PLXDC2: variants seen among roughly 807,000 people sequenced by gnomAD.
PLXDC2 encodes plexin domain containing 2.
In PLXDC2, 40 loss-of-function variants were observed where a neutral mutation model predicts 68.9. That is an observed-to-expected ratio of 0.58 (90% CI 0.45 to 0.76). PLXDC2 has a LOEUF of 0.76. Ranked by LOEUF, PLXDC2 falls within the 30% of genes least tolerant of loss-of-function variation. PLXDC2 has a pLI of 0.00. For missense variants in PLXDC2, 644 were observed against 661.9 expected (o/e 0.97, Z 0.30); for synonymous variants, 243 against 234.2 (o/e 1.04, Z -0.34).
At chr10:19,862,904 A>G (rs1367110055) in intron 1 of PLXDC2, among the ~76,000 whole-genome samples, 4 of 152,136 alleles carry the variant, frequency 2.6e-5, no homozygotes, top group African/African-American at 9.7e-5. Context: ...CTGCAACTCT[A>G]TGTAAATCTG....
intron 1 of PLXDC2, among the ~76,000 whole-genome samples, chr10:19,838,126 A>G (rs1203329755): frequency 1.3e-5 from 2 of 151,944 alleles, no homozygotes; most frequent in African/African-American, 4.8e-5. Context: ...CAGACTCCCA[A>G]TATTTTTAAG....
At chr10:19,963,126 C>T (rs1834189831) in intron 1 of PLXDC2, among the ~76,000 whole-genome samples, 1 of 151,892 alleles carries the variant, frequency 6.6e-6, no homozygotes, top group Non-Finnish European at 1.5e-5. Flanking sequence ...TCACTTTATA[C>T]ATCAGGTTTA....
chr10:20,091,323 C>G (rs1833273243), intron 4 of PLXDC2, among the ~76,000 whole-genome samples: 1 of 152,206 alleles, frequency 6.6e-6, no homozygotes, highest in Non-Finnish European at 1.5e-5. Flanking sequence ...ATGCTTGACT[C>G]TTCTTCTCCC....
intron 1 of PLXDC2, among the ~76,000 whole-genome samples, chr10:19,860,950 A>G (rs1190190404): frequency 6.6e-6 from 1 of 151,068 alleles, no homozygotes; most frequent in East Asian, 1.9e-4. Context: ...AATTTGTCCC[A>G]TCTTCCTAGC....
At chr10:19,943,111 G>A (rs1833844208) in intron 1 of PLXDC2, among the ~76,000 whole-genome samples, 1 of 152,162 alleles carries the variant, frequency 6.6e-6, no homozygotes, top group Non-Finnish European at 1.5e-5. Flanking sequence ...CTTGCCATTA[G>A]AGTGGCTGAA....
intron 6 of PLXDC2, among the ~76,000 whole-genome samples, chr10:20,155,960 A>G (rs567625581): frequency 2.2e-4 from 33 of 152,058 alleles, no homozygotes; most frequent in African/African-American, 6.8e-4. Context: ...GCTCGCTGCA[A>G]CCTCTGCCTC....
chr10:19,919,230 C>T (rs952071917), intron 1 of PLXDC2, among the ~76,000 whole-genome samples: 1 of 152,132 alleles, frequency 6.6e-6, no homozygotes, highest in African/African-American at 2.4e-5. Context: ...TATTCTTATC[C>T]AAAAGGGTGA....
At chr10:20,243,129 G>T (rs970072396) in intron 12 of PLXDC2, among the ~76,000 whole-genome samples, 1 of 152,162 alleles carries the variant, frequency 6.6e-6, no homozygotes, top group Non-Finnish European at 1.5e-5. Flanking sequence ...GAAATAGCAG[G>T]ACCTACAGCC....
At chr10:20,122,653 A>C (rs2131763079) in intron 4 of PLXDC2, among the ~76,000 whole-genome samples, 1 of 152,258 alleles carries the variant, frequency 6.6e-6, no homozygotes, top group South Asian at 2.1e-4. Context: ...TTCTGGAGAA[A>C]TGTCTGGCCG....
intron 1 of PLXDC2, among the ~76,000 whole-genome samples, chr10:19,915,066 T>C (rs1489866543): frequency 6.6e-6 from 1 of 152,174 alleles, no homozygotes; most frequent in Non-Finnish European, 1.5e-5. Flanking sequence ...TTAAATTTAC[T>C]CTACCAATCT....
At position 20,034,823 on chromosome 10, in the gene PLXDC2, C is replaced by T. The variant is rs548310450; in HGVS notation, c.325-12046C>T. ...TTGTGTTACAGCTGCTTACAGATTT[C>T]AGTACAGTAACCAGCTGTGCAGGTG... On this transcript the variant is annotated intron_variant, in intron 2 of 13. Coordinates refer to ENST00000377252, the MANE Select transcript of PLXDC2 (RefSeq NM_032812.9). Among the ~76,000 whole-genome samples the T allele has an allele frequency of 2.6e-5, 4 of 152,268 alleles. No homozygotes were observed. The South Asian group carries it at 8.3e-4, about 32-fold the overall frequency.
intron 1 of PLXDC2, among the ~76,000 whole-genome samples, chr10:19,838,594 AAGAT>A (rs1836842029): frequency 6.6e-6 from 1 of 152,218 alleles, no homozygotes; most frequent in South Asian, 2.1e-4. Context: ...TTATAGAACA[AAGAT>A]AGAAATGTTT....
At chr10:19,913,633 C>T (rs546510800) in intron 1 of PLXDC2, among the ~76,000 whole-genome samples, 142 of 152,154 alleles carry the variant, frequency 9.3e-4, no homozygotes, top group African/African-American at 2.5e-3. Context: ...GTAAATCTCT[C>T]GCTTCACTGT....
rs1375828518 is a variant in PLXDC2, at chr10:20,284,008, C to T, written c.*4189C>T. 6.6e-6 allele frequency: 1 copy of T among 152,050 alleles called. No individual in the cohort carries two copies. The highest frequency in any genetic ancestry group is 2.1e-4 in the South Asian group (1 of 4,826). 9.4% of individuals were successfully genotyped at this position (152,050 alleles called of 1,614,324 possible). On this transcript the variant is annotated 3_prime_UTR_variant, in exon 14 of 14. Transcript: ENST00000377252. ...TCATGAGGGAGTATAAATTTGATCA[C>T]GTCCCTAGTGTCTATTGCCCACTTG...
chr10:20,269,148 C>A (rs1835905319), intron 13 of PLXDC2, among the ~76,000 whole-genome samples: 2 of 152,104 alleles, frequency 1.3e-5, no homozygotes, highest in South Asian at 4.1e-4. Flanking sequence ...TTCCACTTTG[C>A]CAAGAACTAT....
intron 3 of PLXDC2, among the ~76,000 whole-genome samples, chr10:20,065,579 T>A (rs11011771): frequency 0.18 from 27,962 of 152,070 alleles, 3,275 homozygotes; most frequent in East Asian, 0.3. Flanking sequence ...TTATAATATA[T>A]AGTGAAATGA....
chr10:19,984,190 A>G (rs971786763), intron 1 of PLXDC2, among the ~76,000 whole-genome samples: 3 of 152,152 alleles, frequency 2.0e-5, no homozygotes, highest in African/African-American at 7.2e-5. Context: ...GTGTACCCCT[A>G]TCTCAGGGTT....
chr10:19,829,742 A>T (rs536318550), intron 1 of PLXDC2, among the ~76,000 whole-genome samples: 81 of 151,600 alleles, frequency 5.3e-4, no homozygotes, highest in Non-Finnish European at 1.0e-3. Context: ...GTAAAAATTT[A>T]AAAAAAAAGT....
chr10:19,823,461 A>G (rs1836515302), intron 1 of PLXDC2, among the ~76,000 whole-genome samples: 1 of 151,390 alleles, frequency 6.6e-6, no homozygotes, highest in Non-Finnish European at 1.5e-5. Flanking sequence ...AGGTGGGTAG[A>G]TCAAGAGGTC....
Sources: allele counts gnomAD v4.1 joint callset (sites outside exome capture counted in the v4.1 genomes callset), GRCh38; gene constraint gnomAD v4.1.1; transcripts MANE v1.5; gene names NCBI Gene and HGNC (gene_info 2026-07-23, HGNC 2026-07-21).